Variants in SKAP1 observed in about 807,000 individuals in gnomAD.
SKAP1 encodes src kinase associated phosphoprotein 1, also known as src kinase-associated phosphoprotein 1.
A neutral mutation model predicts 58.5 loss-of-function variants in SKAP1; 44 were observed. The observed-to-expected ratio is 0.75, with a 90% confidence interval of 0.59 to 0.97. The LOEUF (loss-of-function observed/expected upper bound fraction) is 0.97. Among genes scored for constraint, SKAP1 ranks in the 50% least tolerant of loss-of-function variants. SKAP1 has a pLI of 0.00. For missense variants in SKAP1, 390 were observed against 435.2 expected (o/e 0.90, Z 0.92); for synonymous variants, 127 against 149.7 (o/e 0.85, Z 1.11).
intron 4 of SKAP1, among the ~76,000 whole-genome samples, chr17:48,235,177 G>A (rs1439292201): frequency 6.6e-6 from 1 of 152,202 alleles, no homozygotes; most frequent in African/African-American, 2.4e-5. Context: ...AAAGAGAGAT[G>A]TGGAAAAGTG....
At chr17:48,340,450 T>C (rs866586044) in intron 4 of SKAP1, among the ~76,000 whole-genome samples, 2 of 152,058 alleles carry the variant, frequency 1.3e-5, no homozygotes, top group Middle Eastern at 3.4e-3. Flanking sequence ...TCTAGGAATA[T>C]AAAAGATTTA....
chr17:48,423,457 T>G (rs1248603257), intron 1 of SKAP1, among the ~76,000 whole-genome samples: 1 of 152,156 alleles, frequency 6.6e-6, no homozygotes, highest in Non-Finnish European at 1.5e-5. Context: ...AAAGTACCCT[T>G]CCTGAGAAAT....
chr17:48,219,834 A>G (rs73988607), intron 4 of SKAP1, among the ~76,000 whole-genome samples: 235 of 152,324 alleles, frequency 1.5e-3, no homozygotes, highest in African/African-American at 5.4e-3. Context: ...GCAGCCACAG[A>G]TAACAGTTCA....
At chr17:48,250,188 T>C (rs12949317) in intron 4 of SKAP1, among the ~76,000 whole-genome samples, 2 of 149,224 alleles carry the variant, frequency 1.3e-5, no homozygotes, top group Non-Finnish European at 3.0e-5. Flanking sequence ...TGTGAGATTA[T>C]AACAGTTTGG....
chr17:48,191,425 G>A (rs1335318096), intron 4 of SKAP1, among the ~76,000 whole-genome samples: 1 of 152,128 alleles, frequency 6.6e-6, no homozygotes, highest in African/African-American at 2.4e-5. Context: ...AACAAAGTAA[G>A]GCATAACTAC....
At chr17:48,252,308 G>A (rs548477777) in intron 4 of SKAP1, among the ~76,000 whole-genome samples, 62 of 152,320 alleles carry the variant, frequency 4.1e-4, no homozygotes, top group African/African-American at 1.5e-3. Context: ...GGAAGACACA[G>A]TCCTTGATTT....
At position 48,184,705 on chromosome 17, in the gene SKAP1, C is replaced by T. The variant is rs933579297; in HGVS notation, c.567+18G>A. The T allele has an allele frequency of 4.3e-6, 7 of 1,613,938 alleles. No individual in the cohort carries two copies. Among genetic ancestry groups the T allele is most frequent in the Non-Finnish European group, 5.9e-6 (7 of 1,179,852 alleles). On this transcript the variant is annotated intron_variant, in intron 7 of 12. Transcript: ENST00000336915. ...CTGCAACACCAAGAAGGATCACCATCTCCTTGATGCGTCCTACCTCATAGC... is the reference window on the plus strand; with the variant it reads ...CTGCAACACCAAGAAGGATCACCATTTCCTTGATGCGTCCTACCTCATAGC...
chr17:48,193,249 G>T (rs1392769769), intron 4 of SKAP1, among the ~76,000 whole-genome samples: 5 of 152,054 alleles, frequency 3.3e-5, no homozygotes, highest in Admixed American at 3.3e-4. Context: ...CTCCATGTTG[G>T]TCAGGCTGGT....
intron 12 of SKAP1, among the ~76,000 whole-genome samples, chr17:48,136,232 C>A (rs559301274): frequency 6.6e-6 from 1 of 150,788 alleles, no homozygotes; most frequent in Non-Finnish European, 1.5e-5. Context: ...AGTGCAATGG[C>A]GTGATCTTGG....
chr17:48,339,813 T>C (rs963614980), intron 4 of SKAP1, among the ~76,000 whole-genome samples: 4 of 152,112 alleles, frequency 2.6e-5, no homozygotes, highest in Admixed American at 6.5e-5. Flanking sequence ...TACACTAAAA[T>C]CAGGCCTTAC....
chr17:48,309,214 G>A (rs1043910032), intron 4 of SKAP1, among the ~76,000 whole-genome samples: 1 of 151,968 alleles, frequency 6.6e-6, no homozygotes, highest in Non-Finnish European at 1.5e-5. Context: ...ACAACCATAA[G>A]TAGTGGTTCT....
At chr17:48,407,438 C>A (rs758004475) in intron 1 of SKAP1, among the ~76,000 whole-genome samples, 1 of 152,212 alleles carries the variant, frequency 6.6e-6, no homozygotes, top group African/African-American at 2.4e-5. Flanking sequence ...AAATTCCCTT[C>A]TCCTCACTCC....
intron 4 of SKAP1, among the ~76,000 whole-genome samples, chr17:48,247,536 C>T (rs2065310765): frequency 6.6e-6 from 1 of 152,166 alleles, no homozygotes; most frequent in Non-Finnish European, 1.5e-5. Flanking sequence ...AGGTAACCGT[C>T]TTTTCCTACC....
chr17:48,350,083 CTA>C (rs1489310048), intron 3 of SKAP1, among the ~76,000 whole-genome samples: 5 of 152,096 alleles, frequency 3.3e-5, no homozygotes, highest in Non-Finnish European at 7.4e-5. Context: ...CCCCTTGTAA[CTA>C]TTTTAGTTCA....
chr17:48,239,299 G>A (rs536768942), intron 4 of SKAP1, among the ~76,000 whole-genome samples: 1 of 152,318 alleles, frequency 6.6e-6, no homozygotes, highest in East Asian at 1.9e-4. Flanking sequence ...GGCAGATCTA[G>A]TGACCTCCTC....
chr17:48,307,413 A>G (rs1264748693), intron 4 of SKAP1: 1 of 152,268 alleles, frequency 6.6e-6, no homozygotes, highest in Non-Finnish European at 1.5e-5. Context: ...AGCCTTCCAC[A>G]CTTGGATCTA....
At chr17:48,415,205 T>A (rs963499553) in intron 1 of SKAP1, among the ~76,000 whole-genome samples, 1 of 152,128 alleles carries the variant, frequency 6.6e-6, no homozygotes, top group Non-Finnish European at 1.5e-5. Context: ...TAAAAGTATT[T>A]GAACTACTAA....
chr17:48,437,758 A>AT, the SKAP1 span, among the ~76,000 whole-genome samples: 2 of 151,286 alleles, frequency 1.3e-5, no homozygotes, highest in Non-Finnish European at 2.9e-5. Flanking sequence ...AAAAAAAAAA[A>AT]AAAAATAGGT....
rs567222246 is a variant in SKAP1 at position 48,367,126 on chromosome 17, T to G, written c.153-3312A>C. On this transcript the variant is annotated intron_variant, in intron 2 of 12. Coordinates refer to ENST00000336915, the MANE Select transcript of SKAP1 (RefSeq NM_003726.4). ...TAAAGTGCCCTGGCTTCCTGGTTTC[T>G]CTTGTCAGTCGAGAAGAAATATGAT... Among the ~76,000 whole-genome samples the G allele has an allele frequency of 9.2e-5, 14 of 152,320 alleles. No individual in the cohort carries two copies. In the South Asian group the frequency reaches 2.9e-3, roughly 32 times the overall value.
Sources: allele counts gnomAD v4.1 joint callset (sites outside exome capture counted in the v4.1 genomes callset), GRCh38; gene constraint gnomAD v4.1.1; transcripts MANE v1.5; gene names NCBI Gene and HGNC (gene_info 2026-07-23, HGNC 2026-07-21).